AKNAD1: variants seen among roughly 807,000 people sequenced by gnomAD.
AKNAD1 encodes the protein protein AKNAD1.
A neutral mutation model predicts 90.8 loss-of-function variants in AKNAD1; 67 were observed. That is an observed-to-expected ratio of 0.74 (90% CI 0.61 to 0.90). The LOEUF (loss-of-function observed/expected upper bound fraction) is 0.90. AKNAD1 is among the 40% of genes least tolerant of loss of function. The pLI is 0.00. For missense variants in AKNAD1, 957 were observed against 975.4 expected, an observed-to-expected ratio of 0.98 and a Z score of 0.25; for synonymous variants, 327 against 341.4, an observed-to-expected ratio of 0.96 and a Z score of 0.46.
intron 10 of AKNAD1, among the ~76,000 whole-genome samples, chr1:108,828,583 A>G (rs1664086916): frequency 6.6e-6 from 1 of 151,832 alleles, no homozygotes; most frequent in Admixed American, 6.6e-5. Context: ...GGGCAAACAC[A>G]TGCTCGCCGC....
chr1:108,843,406 T>C (rs1008753408), intron 5 of AKNAD1, 139 bp from the exon 6 acceptor site: 25 of 1,091,128 alleles, frequency 2.3e-5, no homozygotes, highest in Non-Finnish European at 2.9e-5. Context: ...TAAATTGTTT[T>C]GTCTCAGAGT....
At chr1:108,818,213 G>A (rs186051528) in intron 14 of AKNAD1, among the ~76,000 whole-genome samples, 67 of 152,338 alleles carry the variant, frequency 4.4e-4, no homozygotes, top group Admixed American at 1.7e-3. Flanking sequence ...CACCCTCACA[G>A]CTTCCTCCGG....
At chr1:108,817,345 G>T in intron 14 of AKNAD1, 168 bp from the exon 15 acceptor site, 2 of 733,214 alleles carry the variant, frequency 2.7e-6, no homozygotes, top group Non-Finnish European at 2.1e-6. Context: ...GACCGCAGCT[G>T]GGCTTCAGAA....
At chr1:108,849,432 T>C (rs1204349989) in intron 3 of AKNAD1, 105 bp downstream of exon 3, 7 of 749,466 alleles carry the variant, frequency 9.3e-6, no homozygotes, top group Middle Eastern at 2.9e-4. Flanking sequence ...TGAACCAAGA[T>C]TGTGCTGCTG....
intron 5 of AKNAD1, among the ~76,000 whole-genome samples, chr1:108,845,730 A>C (rs1347404604): frequency 3.9e-5 from 6 of 152,102 alleles, no homozygotes; most frequent in African/African-American, 1.4e-4. Flanking sequence ...TAAACTGGGG[A>C]ATTTGGAAAG....
At chr1:108,831,783 C>A (rs1664206664) in intron 9 of AKNAD1, among the ~76,000 whole-genome samples, 2 of 151,910 alleles carry the variant, frequency 1.3e-5, no homozygotes, top group Admixed American at 1.3e-4. Context: ...CCCACCACTA[C>A]CCCCAGCTAA....
chr1:108,835,058 TG>T lies in AKNAD1; in HGVS notation c.1537-3del. On this transcript the variant is annotated splice_polypyrimidine_tract_variant and splice_region_variant and intron_variant, in intron 7 of 15. Transcript: ENST00000370001. Reference sequence around the variant, plus strand: ...GTGGCCGGGGTGCTCCTTGGGAATCTGGGGGAGCCACACAGAAAGACTTGAA... The same window carrying T: ...GTGGCCGGGGTGCTCCTTGGGAATCTGGGGAGCCACACAGAAAGACTTGAA... The T allele has an allele frequency of 6.4e-7, 1 of 1,571,424 alleles. No individual in the cohort carries two copies. The highest frequency in any genetic ancestry group is 8.6e-7 in the Non-Finnish European group (1 of 1,164,480).
intron 9 of AKNAD1, among the ~76,000 whole-genome samples, chr1:108,832,038 G>A (rs1664215069): frequency 6.6e-6 from 1 of 152,064 alleles, no homozygotes. Context: ...TGATGTGCCA[G>A]GTGCTTCCCT....
chr1:108,828,193 C>G (rs935019205), intron 10 of AKNAD1, among the ~76,000 whole-genome samples: 2 of 151,726 alleles, frequency 1.3e-5, no homozygotes, highest in Admixed American at 6.6e-5. Flanking sequence ...GAAGTACAAG[C>G]TGATTACATC....
In AKNAD1 at chr1:108,852,514, C is replaced by G. The variant is rs769312845; in HGVS notation, c.151G>C (p.Ala51Pro). 6.2e-6 allele frequency: 10 copies of G among 1,613,992 alleles called. No homozygotes were observed. The African/African-American group carries it at 1.3e-4, about 22-fold the overall frequency. ...LEVLNQIIFI[A>P]DDPQEKAMHS... ...ATAGCCTTCTCTTGAGGGTCATCTG[C>G]TATGAAAATAATTTGATTTAAGACT... Residue 51 changes from alanine (A) to proline (P), a missense_variant, in exon 2 of 16, where the codon GCA (alanine) becomes CCA (proline). Coordinates refer to ENST00000370001, the MANE Select transcript of AKNAD1 (RefSeq NM_152763.5).
At chr1:108,821,501 T>A (rs1228913160) in intron 13 of AKNAD1, among the ~76,000 whole-genome samples, 1 of 152,104 alleles carries the variant, frequency 6.6e-6, no homozygotes, top group Non-Finnish European at 1.5e-5. Flanking sequence ...AACCAGGAGT[T>A]TAGGTTCCCT....
At chr1:108,839,471 T>TAAAAAAAAAAAAAAAAAAAAAAAAAA (rs3044857) in intron 6 of AKNAD1, among the ~76,000 whole-genome samples, 3 of 126,146 alleles carry the variant, frequency 2.4e-5, no homozygotes, top group African/African-American at 6.8e-5. Flanking sequence ...TCCGTCTCAA[T>TAAAAAAAAAAAAAAAAAAAAAAAAAA]AAAAAAAAAA....
intron 2 of AKNAD1, 43 bp from the exon 3 acceptor site, chr1:108,849,619 T>C (rs1207559510): frequency 8.8e-6 from 12 of 1,360,742 alleles, no homozygotes; most frequent in East Asian, 2.3e-5. Flanking sequence ...TCGATATTGA[T>C]CAATGACACC....
At chr1:108,829,870 G>T (rs935172357) in intron 10 of AKNAD1, among the ~76,000 whole-genome samples, 1 of 152,284 alleles carries the variant, frequency 6.6e-6, no homozygotes, top group Non-Finnish European at 1.5e-5. Flanking sequence ...AACATCTCTC[G>T]CTACCTGAAA....
At position 108,856,729 on chromosome 1, in the gene AKNAD1, TAAACACACACACAC is replaced by T. The variant is rs1488130523; in HGVS notation, c.-104+186_-104+199del. Among the ~76,000 whole-genome samples, 69 of 144,018 alleles carry T rather than the reference TAAACACACACACAC, an allele frequency of 4.8e-4. No homozygotes were observed. In the South Asian group the frequency reaches 7.2e-3, roughly 15 times the overall value. The allele number at this position is 144,018 out of a possible 152,430, so 94.5% of individuals were successfully genotyped here. A position where few individuals can be genotyped will look rare whatever the true frequency, so the allele number is the denominator to read the frequency against. ...TCTCTCTCTCTCTCTCACACACACA[TAAACACACACACAC>T]AAACACACACACAGACAAAGAAAGA... On this transcript the variant is annotated intron_variant, in intron 1 of 15. Transcript: ENST00000370001.
At chr1:108,826,836 C>G (rs1180975699) in intron 11 of AKNAD1, among the ~76,000 whole-genome samples, 1 of 148,794 alleles carries the variant, frequency 6.7e-6, no homozygotes, top group Non-Finnish European at 1.5e-5. Flanking sequence ...ACCTCCCGGA[C>G]TCAAGCAATC....
At chr1:108,817,442 A>T (rs905795555) in intron 14 of AKNAD1, 1 of 265,248 alleles carries the variant, frequency 3.8e-6, no homozygotes, top group Admixed American at 5.4e-5. Context: ...GACTCTAAAC[A>T]CATTTTTTAT....
rs756248528 is a variant in AKNAD1 at position 108,816,184 on chromosome 1, C to T, written c.2498G>A (p.Arg833Gln). The change falls in exon 16 of 16, where the codon CGA becomes CAA. Residue 833 changes from arginine (R) to glutamine (Q), a missense_variant. Transcript: ENST00000370001. ...CCTAGCGTTGAACTAGTATTTCAGT[C>T]GATTCCTCCACCTCTGTGCTTTAGC... is the stretch of plus-strand genomic sequence containing the variant. ...DLAKAQRWRN[R>Q]LKY 9 of 1,604,602 alleles carry T rather than the reference C, an allele frequency of 5.6e-6. No homozygotes were observed. The Admixed American group carries it at 1.2e-4, about 21-fold the overall frequency.
At chr1:108,856,085 A>T (rs12036331) in intron 1 of AKNAD1, among the ~76,000 whole-genome samples, 20,851 of 151,750 alleles carry the variant, frequency 0.14, 1,535 homozygotes, top group Middle Eastern at 0.2. Context: ...ACTCCTGAGC[A>T]CAAGTAATCC....
Sources: gnomAD v4.1 joint callset for allele counts (sites outside exome capture counted in the v4.1 genomes callset) on GRCh38, gnomAD v4.1.1 for gene constraint, MANE v1.5 for transcripts, NCBI Gene and HGNC (gene_info 2026-07-23, HGNC 2026-07-21) for gene names.